The following BATF3 variants were observed in gnomAD, a reference collection of about 807,000 sequenced individuals.
BATF3 encodes basic leucine zipper ATF-like transcription factor 3, also known as basic leucine zipper transcriptional factor ATF-like 3.
In BATF3, 8 loss-of-function variants were observed where a neutral mutation model predicts 16.1. The ratio of observed to expected loss-of-function variants is 0.50; its 90% CI spans 0.29 to 0.90. The LOEUF (loss-of-function observed/expected upper bound fraction) is 0.90, where lower values mean the gene tolerates loss of function less well. Among genes scored for constraint, BATF3 ranks in the 40% least tolerant of loss-of-function variants. BATF3 has a pLI of 0.08. For missense variants in BATF3, 139 were observed against 167.0 expected (o/e 0.83, Z 0.92); for synonymous variants, 74 against 72.7 (o/e 1.02, Z -0.09).
In BATF3 at chr1:212,699,569, A is replaced by C. The variant is rs1657219150; in HGVS notation, c.90+104T>G. On this transcript the variant is annotated intron_variant, in intron 1 of 2. Transcript: ENST00000243440. The surrounding 1 kb of genome is among the most constrained non-coding windows in gnomAD (Gnocchi z 4.4). ...CTCCGGCCGCACCCGCCACCTCTGC[A>C]CCTCCGCAGTCACCACCACGGAACT... The C allele has an allele frequency of 1.1e-6, 1 of 951,428 alleles. No individual in the cohort carries two copies. Among genetic ancestry groups the C allele is most frequent in the African/African-American group, 1.7e-5 (1 of 57,804 alleles). 58.9% of individuals were successfully genotyped at this position (951,428 alleles called of 1,614,324 possible).
At chr1:212,690,454 G>A (rs1011439816) in intron 2 of BATF3, among the ~76,000 whole-genome samples, 11 of 152,120 alleles carry the variant, frequency 7.2e-5, no homozygotes, top group Non-Finnish European at 1.0e-4. Flanking sequence ...TCATAAACCC[G>A]CTGAGGGACT....
At position 212,686,643 on chromosome 1, in the gene BATF3, CT is replaced by C; in HGVS notation, c.*147del. On this transcript the variant is annotated 3_prime_UTR_variant, in exon 3 of 3. Coordinates refer to ENST00000243440, the MANE Select transcript of BATF3 (RefSeq NM_018664.3). ...TGTTGGATGTCGGGCTGAGCCCAGT[CT>C]GCAGGGAACACAGCTGGCTGGTCCT... 7.5e-7 allele frequency: 1 copy of C among 1,341,802 alleles called. No homozygotes were observed. The highest frequency in any genetic ancestry group is 9.9e-7 in the Non-Finnish European group (1 of 1,015,110). 83.1% of individuals were successfully genotyped at this position (1,341,802 alleles called of 1,614,324 possible).
At chr1:212,696,451 C>T (rs897547477) in intron 2 of BATF3, among the ~76,000 whole-genome samples, 1 of 132,822 alleles carries the variant, frequency 7.5e-6, no homozygotes, top group African/African-American at 2.8e-5. Context: ...TGTGTGTGTA[C>T]ACACACACAT....
chr1:212,692,993 G>A (rs1657037168), intron 2 of BATF3, among the ~76,000 whole-genome samples: 2 of 152,196 alleles, frequency 1.3e-5, no homozygotes, highest in Non-Finnish European at 2.9e-5. Flanking sequence ...TTGAGGAGGA[G>A]GTTCCTATGC....
chr1:212,689,588 C>T lies in BATF3; in HGVS notation c.196-2609G>A, dbSNP rs922704363. Reference sequence around the variant, plus strand: ...TCTACAAATCCAGCCATAAGCTCTCCGTGGGCAAGGGGAGAGTCTGGATGG... The same window carrying T: ...TCTACAAATCCAGCCATAAGCTCTCTGTGGGCAAGGGGAGAGTCTGGATGG... On this transcript the variant is annotated intron_variant, in intron 2 of 2. Transcript: ENST00000243440. This position sits in a 1 kb window ranked among gnomAD's most constrained non-coding sequence, Gnocchi z 4.6. Among the ~76,000 whole-genome samples the T allele has an allele frequency of 6.6e-6, 1 of 152,118 alleles. No homozygotes were observed. Among genetic ancestry groups the T allele is most frequent in the South Asian group, 2.1e-4 (1 of 4,830 alleles).
chr1:212,686,569 G>T lies in BATF3; in HGVS notation c.*222C>A. On this transcript the variant is annotated 3_prime_UTR_variant, in exon 3 of 3. Coordinates refer to ENST00000243440, the MANE Select transcript of BATF3 (RefSeq NM_018664.3). ...AGGGTGGATGAGAAGTCACTCCTGA[G>T]GGTGGCCTCCATGCTGGATCTGCAC... The T allele has an allele frequency of 1.6e-6, 1 of 617,508 alleles. No individual in the cohort carries two copies. The highest frequency in any genetic ancestry group is 2.7e-6 in the Non-Finnish European group (1 of 371,924). The allele number at this position is 617,508 out of a possible 1,614,324, so 38.3% of individuals were successfully genotyped here.
In BATF3 at chr1:212,686,953, G is replaced by C; in HGVS notation, c.222C>G (p.Asn74Lys). 6.2e-7 allele frequency: 1 copy of C among 1,607,690 alleles called. No individual in the cohort carries two copies. The highest frequency in any genetic ancestry group is 8.5e-7 in the Non-Finnish European group (1 of 1,174,082). Residue 74 changes from asparagine (N) to lysine (K), a missense_variant, in exon 3 of 3, where the codon AAC (asparagine) becomes AAG (lysine). Asn to Lys is a moderately conservative substitution (Grantham distance 94). Transcript: ENST00000243440. ...TCCCGATCTCTCTCCGCAGCATGGT[G>C]TTTTCTTGCTCCAGGCTCTCATATT... ...HEEYESLEQE[N>K]TMLRREIGKL...
intron 2 of BATF3, among the ~76,000 whole-genome samples, 158 bp downstream of exon 2, chr1:212,696,803 C>T (rs942987544): frequency 3.3e-5 from 5 of 152,062 alleles, no homozygotes; most frequent in East Asian, 3.9e-4. Context: ...TGAACACGTC[C>T]GTGAGCAAAC....
intron 2 of BATF3, among the ~76,000 whole-genome samples, chr1:212,690,893 G>A (rs901565818): frequency 2.0e-5 from 3 of 152,206 alleles, no homozygotes; most frequent in Non-Finnish European, 4.4e-5. Flanking sequence ...TCTCAAGTAG[G>A]GCAATTGTGG....
chr1:212,696,264 A>T (rs1007430447), intron 2 of BATF3, among the ~76,000 whole-genome samples: 1 of 152,200 alleles, frequency 6.6e-6, no homozygotes, highest in Non-Finnish European at 1.5e-5. Context: ...AAACTAGGAA[A>T]TGTGGTCTTT....
At chr1:212,698,358 A>C (rs1431114640) in intron 1 of BATF3, 2 of 152,218 alleles carry the variant, frequency 1.3e-5, no homozygotes, top group East Asian at 3.8e-4. Context: ...ATTTATTGTA[A>C]GCATAATTCA....
In BATF3 at chr1:212,686,908, C is replaced by T. The variant is rs765938038; in HGVS notation, c.267G>A (p.Lys89=). Residue 89 remains lysine (K), a synonymous_variant, in exon 3 of 3, where the codon AAG becomes AAA. Transcript: ENST00000243440. ...REIGKLTEEL[K]HLTEALKEHE... ...GCTCCTTCAGTGCCTCTGTCAGGTGCTTCAGCTCCTCTGTCAGCTTCCCGA... is the reference window on the plus strand; with the variant it reads ...GCTCCTTCAGTGCCTCTGTCAGGTGTTTCAGCTCCTCTGTCAGCTTCCCGA... The T allele has an allele frequency of 6.2e-7, 1 of 1,614,122 alleles. No homozygotes were observed. The highest frequency in any genetic ancestry group is 8.5e-7 in the Non-Finnish European group (1 of 1,180,052).
rs1178301519 is a variant in BATF3, at chr1:212,689,190, ACTCCT to A, written c.196-2216_196-2212del. 6.6e-6 allele frequency among the ~76,000 whole-genome samples: 1 copy of A among 151,680 alleles called. No homozygotes were observed. The highest frequency in any genetic ancestry group is 2.4e-5 in the African/African-American group (1 of 41,238). On this transcript the variant is annotated intron_variant, in intron 2 of 2. Coordinates refer to ENST00000243440, the MANE Select transcript of BATF3 (RefSeq NM_018664.3). This position sits in a 1 kb window ranked among gnomAD's most constrained non-coding sequence, Gnocchi z 4.6. The stretch of plus-strand genomic sequence containing the variant: ...TGTAAAGGACCTAGGAACTTCTGCT[ACTCCT>A]CTCCTCTACCCCCTGCCTGATGCGC...
intron 1 of BATF3, chr1:212,697,414 C>T (rs570761780): frequency 1.6e-5 from 2 of 126,576 alleles, no homozygotes; most frequent in East Asian, 2.7e-4. Context: ...GCCCACAGGG[C>T]GTGTGCCTGG....
At chr1:212,693,120 G>C (rs1164707016) in intron 2 of BATF3, among the ~76,000 whole-genome samples, 1 of 152,156 alleles carries the variant, frequency 6.6e-6, no homozygotes, top group East Asian at 1.9e-4. Context: ...CTTGACAAAA[G>C]GGTTCTTTAC....
Position 212,689,461 on chromosome 1 carries a change from C to G in BATF3, c.196-2482G>C, listed in dbSNP as rs1656942001. ...GGGGCCATGTGGCTTCACCAGTACACTGGCCCCATTCTGCCTCTATCCTCC... is the reference window on the plus strand; with the variant it reads ...GGGGCCATGTGGCTTCACCAGTACAGTGGCCCCATTCTGCCTCTATCCTCC... On this transcript the variant is annotated intron_variant, in intron 2 of 2. Coordinates refer to ENST00000243440, the MANE Select transcript of BATF3 (RefSeq NM_018664.3). The surrounding 1 kb of genome is among the most constrained non-coding windows in gnomAD (Gnocchi z 4.6). Among the ~76,000 whole-genome samples, 1 of 152,214 alleles carries G rather than the reference C, an allele frequency of 6.6e-6. No homozygotes were observed. Among genetic ancestry groups the G allele is most frequent in the Admixed American group, 6.5e-5 (1 of 15,286 alleles).
intron 2 of BATF3, among the ~76,000 whole-genome samples, chr1:212,696,194 C>A (rs1156058): frequency 0.63 from 95,260 of 151,654 alleles, 30,299 homozygotes; most frequent in Middle Eastern, 0.67. Flanking sequence ...ACATTTAAGC[C>A]AATAAAGGGT....
At position 212,689,151 on chromosome 1, in the gene BATF3, C is replaced by G. The variant is rs772803869; in HGVS notation, c.196-2172G>C. 6.6e-6 allele frequency among the ~76,000 whole-genome samples: 1 copy of G among 152,160 alleles called. No individual in the cohort carries two copies. Among genetic ancestry groups the G allele is most frequent in the Non-Finnish European group, 1.5e-5 (1 of 68,032 alleles). ...CACTCATATGAAGTAATGTCTCCCC[C>G]CAAAGATCAGAAATGTAAAGGACCT... On this transcript the variant is annotated intron_variant, in intron 2 of 2. Transcript: ENST00000243440. The surrounding 1 kb of genome is among the most constrained non-coding windows in gnomAD (Gnocchi z 4.6).
chr1:212,692,393 C>CA (rs1016265537), intron 2 of BATF3, among the ~76,000 whole-genome samples: 5 of 151,436 alleles, frequency 3.3e-5, no homozygotes, highest in African/African-American at 7.3e-5. Context: ...GACGAAAGAG[C>CA]AAAAAAAACC....
Sources: allele counts gnomAD v4.1 joint callset (sites outside exome capture counted in the v4.1 genomes callset), GRCh38; gene constraint gnomAD v4.1.1; non-coding constraint Gnocchi (gnomAD v3.1); transcripts MANE v1.5; gene names NCBI Gene and HGNC (gene_info 2026-07-23, HGNC 2026-07-21).